CFAP299: variants seen among roughly 807,000 people sequenced by gnomAD.
CFAP299 encodes the protein cilia- and flagella-associated protein 299.
Under a neutral mutation model 27.0 loss-of-function variants are expected in CFAP299, and 21 were observed. That is an observed-to-expected ratio of 0.78 (90% CI 0.55 to 1.12). The LOEUF (loss-of-function observed/expected upper bound fraction) is 1.12. Ranked by LOEUF, CFAP299 falls within the 50% of genes most tolerant of loss-of-function variation. CFAP299 has a pLI of 0.00. For missense variants in CFAP299, 310 were observed against 276.6 expected, an observed-to-expected ratio of 1.12 and a Z score of -0.86; for synonymous variants, 104 against 98.1, an observed-to-expected ratio of 1.06 and a Z score of -0.36.
In CFAP299 at chr4:80,358,785, A is replaced by G. The variant is rs186653112; in HGVS notation, c.112-3969A>G. Among the ~76,000 whole-genome samples, 331 of 152,076 alleles carry G rather than the reference A, an allele frequency of 2.2e-3. 1 individual carries two copies. The highest frequency in any genetic ancestry group is 3.8e-3 in the Non-Finnish European group (258 of 67,984). On this transcript the variant is annotated intron_variant, in intron 1 of 5. Transcript: ENST00000358105. ...TGTTCTTTATCTGGCTTGCCACTCT[A>G]TGTCTTCTAATCGGACCTTTTAGCC...
chr4:80,870,738 T>G, intron 4 of CFAP299: 3 of 985,450 alleles, frequency 3.0e-6, no homozygotes, highest in Non-Finnish European at 3.6e-6. Flanking sequence ...CCCTCTTACT[T>G]AACTATAGAA....
chr4:80,811,659 G>C (rs1333203229), intron 3 of CFAP299, among the ~76,000 whole-genome samples: 1 of 152,144 alleles, frequency 6.6e-6, no homozygotes, highest in Non-Finnish European at 1.5e-5. Context: ...AGTTGTATCT[G>C]CTTTGTGTTC....
chr4:80,368,467 C>T (rs902505037), intron 2 of CFAP299, among the ~76,000 whole-genome samples: 1 of 152,008 alleles, frequency 6.6e-6, no homozygotes, highest in African/African-American at 2.4e-5. Context: ...ATAGTTATCT[C>T]CTTCAATTTG....
At chr4:80,324,202 A>G in the CFAP299 span, among the ~76,000 whole-genome samples, 1 of 151,988 alleles carries the variant, frequency 6.6e-6, no homozygotes, top group Admixed American at 6.5e-5. Context: ...TGAAGAAACG[A>G]TATTCTTAAA....
At chr4:80,600,223 T>C (rs80316594) in intron 3 of CFAP299, among the ~76,000 whole-genome samples, 90 of 152,242 alleles carry the variant, frequency 5.9e-4, no homozygotes, top group African/African-American at 2.1e-3. Flanking sequence ...TGCAGAACTT[T>C]TTCCCACCTG....
intron 2 of CFAP299, among the ~76,000 whole-genome samples, chr4:80,478,811 T>C (rs1421784271): frequency 1.3e-5 from 2 of 151,836 alleles, no homozygotes; most frequent in Non-Finnish European, 2.9e-5. Context: ...AAGTCGTATT[T>C]GGTGTGGGGA....
intron 1 of CFAP299, among the ~76,000 whole-genome samples, chr4:80,342,975 A>G (rs1241287609): frequency 6.6e-6 from 1 of 152,224 alleles, no homozygotes; most frequent in Non-Finnish European, 1.5e-5. Context: ...AAAGGGATGG[A>G]GAAATACTTA....
At chr4:80,684,591 T>G (rs1389954086) in intron 3 of CFAP299, among the ~76,000 whole-genome samples, 1 of 152,176 alleles carries the variant, frequency 6.6e-6, no homozygotes, top group Non-Finnish European at 1.5e-5. Context: ...TTAAGAAATA[T>G]TTCTACCTAT....
At position 80,590,771 on chromosome 4, in the gene CFAP299, G is replaced by A. The variant is rs140154442; in HGVS notation, c.333+7588G>A. 3.0e-3 allele frequency among the ~76,000 whole-genome samples: 460 copies of A among 152,224 alleles called. 3 individuals are homozygous for A. Among genetic ancestry groups the A allele is most frequent in the African/African-American group, 0.011 (443 of 41,524 alleles). On this transcript the variant is annotated intron_variant, in intron 3 of 5. Transcript: ENST00000358105. ...CTCATGTTCTAATCATATAAAAACT[G>A]TATAGTACACATTGAGGAATAATAT...
At chr4:80,662,574 T>C (rs1349689220) in intron 3 of CFAP299, among the ~76,000 whole-genome samples, 1 of 152,134 alleles carries the variant, frequency 6.6e-6, no homozygotes, top group African/African-American at 2.4e-5. Context: ...TGCTACTTAA[T>C]TTGGGGGTTC....
chr4:80,563,877 C>T (rs1022553924), intron 2 of CFAP299, among the ~76,000 whole-genome samples: 1 of 151,974 alleles, frequency 6.6e-6, no homozygotes, highest in African/African-American at 2.4e-5. Flanking sequence ...ACAACTGATA[C>T]TGCAGAAATT....
chr4:80,439,204 A>G (rs2110084970), intron 2 of CFAP299, among the ~76,000 whole-genome samples: 1 of 152,288 alleles, frequency 6.6e-6, no homozygotes, highest in East Asian at 1.9e-4. Flanking sequence ...GTCATGATTG[A>G]GGGAATCTTT....
At chr4:80,890,747 G>A (rs1272444440) in intron 4 of CFAP299, among the ~76,000 whole-genome samples, 5 of 150,474 alleles carry the variant, frequency 3.3e-5, no homozygotes, top group Non-Finnish European at 7.4e-5. Context: ...TTTAATGATT[G>A]CCATTCTAAC....
intron 3 of CFAP299, among the ~76,000 whole-genome samples, chr4:80,758,609 C>T (rs1725384394): frequency 6.6e-6 from 1 of 152,170 alleles, no homozygotes; most frequent in South Asian, 2.1e-4. Context: ...CTGTTTCTAT[C>T]ACTTCCTCAT....
At chr4:80,920,049 T>C (rs1735968540) in intron 4 of CFAP299, among the ~76,000 whole-genome samples, 1 of 152,144 alleles carries the variant, frequency 6.6e-6, no homozygotes, top group Non-Finnish European at 1.5e-5. Context: ...TCCTGTATGG[T>C]ACATTCTTCC....
chr4:80,891,284 G>C (rs1351719668), intron 4 of CFAP299, among the ~76,000 whole-genome samples: 1 of 150,698 alleles, frequency 6.6e-6, no homozygotes, highest in African/African-American at 2.4e-5. Context: ...CATATGGCTA[G>C]CCAGTTTTCC....
At chr4:80,886,944 A>G (rs945359591) in intron 4 of CFAP299, among the ~76,000 whole-genome samples, 1 of 152,134 alleles carries the variant, frequency 6.6e-6, no homozygotes, top group Admixed American at 6.5e-5. Context: ...ATACTGAAGA[A>G]TGTATCAGAG....
intron 3 of CFAP299, among the ~76,000 whole-genome samples, chr4:80,726,184 G>T (rs1723149351): frequency 6.6e-6 from 1 of 151,744 alleles, no homozygotes; most frequent in African/African-American, 2.4e-5. Context: ...TATTTTGTTA[G>T]ACTTTCCAGA....
At chr4:80,618,925 T>C (rs976472425) in intron 3 of CFAP299, among the ~76,000 whole-genome samples, 3 of 152,044 alleles carry the variant, frequency 2.0e-5, no homozygotes, top group African/African-American at 4.8e-5. Flanking sequence ...TTAAAGTACA[T>C]ATGAAAACCG....
Sources: allele counts gnomAD v4.1 joint callset (sites outside exome capture counted in the v4.1 genomes callset), GRCh38; gene constraint gnomAD v4.1.1; transcripts MANE v1.5; gene names NCBI Gene and HGNC (gene_info 2026-07-23, HGNC 2026-07-21).